The following MALRD1 variants were observed in gnomAD, a reference collection of about 807,000 sequenced individuals.
The protein encoded by MALRD1 is MAM and LDL receptor class A domain containing 1.
Under a neutral mutation model 242.1 loss-of-function variants are expected in MALRD1, and 247 were observed. That is an observed-to-expected ratio of 1.02 (90% CI 0.92 to 1.13). The LOEUF (loss-of-function observed/expected upper bound fraction) is 1.13, where lower values mean the gene tolerates loss of function less well. MALRD1 is among the 50% of genes most tolerant of loss of function. The pLI is 0.00. For missense variants in MALRD1, 2,989 were observed against 2,533.1 expected (o/e 1.18, Z -3.86); for synonymous variants, 995 against 866.6 (o/e 1.15, Z -2.60).
chr10:19,362,975 T>C (rs777067887), intron 26 of MALRD1, among the ~76,000 whole-genome samples: 2 of 151,818 alleles, frequency 1.3e-5, no homozygotes, highest in Non-Finnish European at 2.9e-5. Flanking sequence ...GAAGGATGAA[T>C]TTGCCATCAG....
At chr10:19,585,530 C>T (rs4639822) in intron 33 of MALRD1, among the ~76,000 whole-genome samples, 78,388 of 151,576 alleles carry the variant, frequency 0.52, 20,384 homozygotes, top group African/African-American at 0.55. Context: ...AAATTCTTTT[C>T]TTTAAGAATG....
intron 28 of MALRD1, among the ~76,000 whole-genome samples, chr10:19,404,228 G>A (rs1238651009): frequency 6.6e-6 from 1 of 151,966 alleles, no homozygotes. Context: ...TAGATGGTTT[G>A]CAGTGATTTC....
At chr10:19,416,643 C>T (rs1833523795) in intron 28 of MALRD1, among the ~76,000 whole-genome samples, 1 of 152,150 alleles carries the variant, frequency 6.6e-6, no homozygotes, top group Non-Finnish European at 1.5e-5. Flanking sequence ...TCTCTATTTA[C>T]TATCCAGCTA....
intron 18 of MALRD1, among the ~76,000 whole-genome samples, chr10:19,235,534 A>G (rs536617336): frequency 1.3e-5 from 2 of 151,300 alleles, no homozygotes; most frequent in East Asian, 1.9e-4. Context: ...CAAAAACCAG[A>G]AGTAAATAAA....
chr10:19,051,825 G>T (rs1309158872), intron 1 of MALRD1: 2 of 157,928 alleles, frequency 1.3e-5, no homozygotes, highest in African/African-American at 4.9e-5. Flanking sequence ...GGGAGGCTGA[G>T]GCAGGAGAAT....
chr10:19,658,404 T>C (rs1226553370), intron 36 of MALRD1, among the ~76,000 whole-genome samples: 1 of 152,128 alleles, frequency 6.6e-6, no homozygotes, highest in Non-Finnish European at 1.5e-5. Flanking sequence ...GTTCTGTAGA[T>C]ATCAAGCATC....
In MALRD1 at chr10:19,435,428, A is replaced by T. The variant is rs116350724; in HGVS notation, c.4846-14879A>T. Among the ~76,000 whole-genome samples, 290 of 152,276 alleles carry T rather than the reference A, an allele frequency of 1.9e-3. 1 individual carries two copies. Among genetic ancestry groups the T allele is most frequent in the African/African-American group, 6.8e-3 (281 of 41,568 alleles). The stretch of plus-strand genomic sequence containing the variant: ...TTAGACTAATGTCATTTTCTGTTGT[A>T]GTACTCAGGCCTTCCTAGCCTCCTG... On this transcript the variant is annotated intron_variant, in intron 28 of 39. Transcript: ENST00000454679.
intron 14 of MALRD1, among the ~76,000 whole-genome samples, chr10:19,186,207 C>G (rs1048011555): frequency 3.9e-5 from 6 of 151,996 alleles, no homozygotes; most frequent in African/African-American, 1.5e-4. Context: ...ACTGGATTTC[C>G]ATTCTCTTCT....
At chr10:19,228,208 AC>A (rs1054036999) in intron 18 of MALRD1, among the ~76,000 whole-genome samples, 4 of 152,180 alleles carry the variant, frequency 2.6e-5, no homozygotes, top group Non-Finnish European at 4.4e-5. Flanking sequence ...ATGGAGTACC[AC>A]TCAACAATAA....
At chr10:19,312,761 TGAC>T (rs1452188385) in intron 21 of MALRD1, among the ~76,000 whole-genome samples, 1 of 151,372 alleles carries the variant, frequency 6.6e-6, no homozygotes, top group Non-Finnish European at 1.5e-5. Context: ...TGATTTTAGA[TGAC>T]ATTAGATGAA....
At chr10:19,327,466 G>C (rs1843180953) in intron 22 of MALRD1, 97 bp from the exon 23 acceptor site, 2 of 847,032 alleles carry the variant, frequency 2.4e-6, no homozygotes, top group East Asian at 5.4e-5. Flanking sequence ...TGTTGATATT[G>C]CAACTAAAAA....
chr10:19,733,788 T>C, intron 39 of MALRD1, among the ~76,000 whole-genome samples: 1 of 151,606 alleles, frequency 6.6e-6, no homozygotes. Context: ...ATAAAATGCT[T>C]TTATTTACTT....
intron 19 of MALRD1, among the ~76,000 whole-genome samples, chr10:19,267,473 G>A (rs924005613): frequency 6.6e-6 from 1 of 151,826 alleles, no homozygotes. Flanking sequence ...TACATTTTTG[G>A]CATCCCTTCT....
At chr10:19,335,487 G>A (rs1843566383) in intron 24 of MALRD1, among the ~76,000 whole-genome samples, 1 of 152,040 alleles carries the variant, frequency 6.6e-6, no homozygotes, top group Non-Finnish European at 1.5e-5. Context: ...TGAATTATAA[G>A]TGGTGTTATT....
At chr10:19,384,935 A>G (rs1846015854) in intron 26 of MALRD1, among the ~76,000 whole-genome samples, 1 of 151,370 alleles carries the variant, frequency 6.6e-6, no homozygotes, top group Non-Finnish European at 1.5e-5. Flanking sequence ...GTTGATGTAA[A>G]TTCCTTCTAT....
chr10:19,647,322 G>T (rs1840702280), intron 36 of MALRD1, among the ~76,000 whole-genome samples: 1 of 152,074 alleles, frequency 6.6e-6, no homozygotes, highest in South Asian at 2.1e-4. Context: ...ACTGTGTTTT[G>T]CTTATTCCTA....
At chr10:19,109,462 C>T (rs1240910513) in intron 5 of MALRD1, among the ~76,000 whole-genome samples, 2 of 152,154 alleles carry the variant, frequency 1.3e-5, no homozygotes, top group Non-Finnish European at 2.9e-5. Flanking sequence ...GGCAAGATTG[C>T]CTATAATTTG....
At position 19,469,366 on chromosome 10, in the gene MALRD1, T is replaced by A. The variant is rs57354032; in HGVS notation, c.5029+18876T>A. ...TATGATAATGATCTTCTTGACTTTTTTAGTTTTAGCACAGCTGATTGTATT... is the reference window on the plus strand; with the variant it reads ...TATGATAATGATCTTCTTGACTTTTATAGTTTTAGCACAGCTGATTGTATT... On this transcript the variant is annotated intron_variant, in intron 29 of 39. Transcript: ENST00000454679. 9.3e-3 allele frequency among the ~76,000 whole-genome samples: 1,411 copies of A among 152,230 alleles called. 16 individuals carry two copies. The highest frequency in any genetic ancestry group is 0.033 in the African/African-American group (1,356 of 41,548).
At chr10:19,336,049 A>C (rs1178654856) in intron 24 of MALRD1, among the ~76,000 whole-genome samples, 3 of 152,148 alleles carry the variant, frequency 2.0e-5, no homozygotes, top group Non-Finnish European at 4.4e-5. Flanking sequence ...AATACTTAGA[A>C]ATCCTTTGTA....
Sources: gnomAD v4.1 joint callset for allele counts (sites outside exome capture counted in the v4.1 genomes callset) on GRCh38, gnomAD v4.1.1 for gene constraint, MANE v1.5 for transcripts, NCBI Gene and HGNC (gene_info 2026-07-23, HGNC 2026-07-21) for gene names.